KCNIP1: variants seen among roughly 807,000 people sequenced by gnomAD.
KCNIP1 encodes A-type potassium channel modulatory protein KCNIP1.
Under a neutral mutation model 33.0 loss-of-function variants are expected in KCNIP1, and 18 were observed. That is an observed-to-expected ratio of 0.55 (90% CI 0.38 to 0.81). The LOEUF is 0.81. Among genes scored for constraint, KCNIP1 ranks in the 30% least tolerant of loss-of-function variants. The pLI is 0.00. For missense variants in KCNIP1, 238 were observed against 271.6 expected, an observed-to-expected ratio of 0.88 and a Z score of 0.87; for synonymous variants, 93 against 98.3, an observed-to-expected ratio of 0.95 and a Z score of 0.32.
At chr5:170,533,290 C>T (rs968196702) in intron 1 of KCNIP1, among the ~76,000 whole-genome samples, 13 of 152,204 alleles carry the variant, frequency 8.5e-5, no homozygotes, top group Middle Eastern at 3.2e-3. Context: ...TCTATATTCC[C>T]CGCCTGGGCA....
chr5:170,511,586 G>A (rs555947713), intron 1 of KCNIP1, among the ~76,000 whole-genome samples: 3 of 152,184 alleles, frequency 2.0e-5, no homozygotes, highest in East Asian at 1.9e-4. Context: ...CAGGTCACCC[G>A]CCAGGAAGGA....
chr5:170,413,590 C>T (rs974164753), intron 1 of KCNIP1, among the ~76,000 whole-genome samples: 6 of 152,066 alleles, frequency 3.9e-5, no homozygotes, highest in African/African-American at 1.4e-4. Context: ...GTTGTGAAGG[C>T]CGAGGAATTA....
intron 1 of KCNIP1, among the ~76,000 whole-genome samples, chr5:170,645,670 AT>A (rs761349514): frequency 7.6e-4 from 115 of 152,278 alleles, no homozygotes; most frequent in Middle Eastern, 3.4e-3. Flanking sequence ...CAGATATCGT[AT>A]TTTTCTCAAA....
intron 1 of KCNIP1, among the ~76,000 whole-genome samples, chr5:170,558,984 G>A (rs1270045719): frequency 6.6e-6 from 1 of 152,058 alleles, no homozygotes; most frequent in South Asian, 2.1e-4. Flanking sequence ...AAAAGATAAT[G>A]TTCTCTCTGT....
intron 1 of KCNIP1, among the ~76,000 whole-genome samples, chr5:170,560,249 G>C (rs1240440541): frequency 6.6e-6 from 1 of 152,100 alleles, no homozygotes; most frequent in East Asian, 1.9e-4. Context: ...GAGCATTCTT[G>C]TTGGTTTTCT....
chr5:170,597,088 C>T (rs1758464462), intron 1 of KCNIP1, among the ~76,000 whole-genome samples: 1 of 152,226 alleles, frequency 6.6e-6, no homozygotes, highest in South Asian at 2.1e-4. Context: ...CTGAACCCAG[C>T]TGATCCGGCT....
intron 1 of KCNIP1, among the ~76,000 whole-genome samples, chr5:170,616,503 T>G (rs1242487923): frequency 1.3e-5 from 2 of 152,066 alleles, no homozygotes; most frequent in Non-Finnish European, 2.9e-5. Flanking sequence ...TTGTTCAGAG[T>G]CAGGTTGGAA....
intron 1 of KCNIP1, chr5:170,382,722 A>G (rs777351398): frequency 2.0e-5 from 3 of 148,334 alleles, no homozygotes; most frequent in African/African-American, 5.0e-5. Context: ...CAATGGTGCA[A>G]TCTCACCAAG....
intron 1 of KCNIP1, among the ~76,000 whole-genome samples, chr5:170,447,215 C>A (rs1219503644): frequency 6.9e-6 from 1 of 143,976 alleles, no homozygotes; most frequent in Non-Finnish European, 1.5e-5. Context: ...GAGAGGCAAA[C>A]CACAAAGGGG....
At chr5:170,704,996 G>GAGATGC (rs1417193082) in intron 1 of KCNIP1, among the ~76,000 whole-genome samples, 8 of 152,190 alleles carry the variant, frequency 5.3e-5, no homozygotes, top group African/African-American at 1.7e-4. Context: ...GGCAGGATGT[G>GAGATGC]AGATGCGCTG....
At chr5:170,650,766 A>G (rs1363096539) in intron 1 of KCNIP1, among the ~76,000 whole-genome samples, 2 of 152,218 alleles carry the variant, frequency 1.3e-5, no homozygotes, top group Non-Finnish European at 2.9e-5. Context: ...AAGTAGATGT[A>G]GCATTTTATA....
intron 1 of KCNIP1, chr5:170,375,246 T>C (rs189792863): frequency 6.6e-6 from 1 of 152,356 alleles, no homozygotes; most frequent in Non-Finnish European, 1.5e-5. Context: ...AGTACAATAT[T>C]ACAATTAAGA....
intron 1 of KCNIP1, among the ~76,000 whole-genome samples, chr5:170,410,558 G>T (rs1225710149): frequency 1.3e-5 from 2 of 151,932 alleles, no homozygotes; most frequent in African/African-American, 4.8e-5. Context: ...TAAAATAAAG[G>T]CATTTTAAAT....
chr5:170,600,983 G>C (rs1561710959), intron 1 of KCNIP1, among the ~76,000 whole-genome samples: 1 of 152,220 alleles, frequency 6.6e-6, no homozygotes, highest in Non-Finnish European at 1.5e-5. Flanking sequence ...TCAAATTCCA[G>C]CTCTCCCACT....
At chr5:170,468,138 C>T (rs1756648122) in intron 1 of KCNIP1, among the ~76,000 whole-genome samples, 1 of 152,046 alleles carries the variant, frequency 6.6e-6, no homozygotes, top group South Asian at 2.1e-4. Context: ...TGAAATCTTA[C>T]TGTATTTAAA....
chr5:170,418,029 C>T (rs1020801462), intron 1 of KCNIP1, among the ~76,000 whole-genome samples: 3 of 152,214 alleles, frequency 2.0e-5, no homozygotes, highest in Non-Finnish European at 4.4e-5. Flanking sequence ...TTTCACTTTC[C>T]ACCCACTCCA....
chr5:170,725,484 AT>A (rs1453087642), intron 5 of KCNIP1, among the ~76,000 whole-genome samples: 4 of 152,152 alleles, frequency 2.6e-5, no homozygotes, highest in Non-Finnish European at 5.9e-5. Context: ...CAATATGAAG[AT>A]AGAGGGCAGA....
At chr5:170,667,103 G>A (rs1761734045) in intron 1 of KCNIP1, among the ~76,000 whole-genome samples, 1 of 152,156 alleles carries the variant, frequency 6.6e-6, no homozygotes, top group African/African-American at 2.4e-5. Flanking sequence ...CACGAGGTCA[G>A]GAGTTTGAAA....
At chr5:170,427,682 C>T (rs959279517) in intron 1 of KCNIP1, among the ~76,000 whole-genome samples, 2 of 152,232 alleles carry the variant, frequency 1.3e-5, no homozygotes, top group African/African-American at 4.8e-5. Flanking sequence ...CTGCTGGGCC[C>T]CAGGACTGCT....
Sources: allele counts gnomAD v4.1 joint callset (sites outside exome capture counted in the v4.1 genomes callset), GRCh38; gene constraint gnomAD v4.1.1; transcripts MANE v1.5; gene names NCBI Gene and HGNC (gene_info 2026-07-23, HGNC 2026-07-21).